RAB3C: variants seen among roughly 807,000 people sequenced by gnomAD.
The protein encoded by RAB3C is RAB3C, member RAS oncogene family, also known as ras-related protein Rab-3C.
Under a neutral mutation model 26.4 loss-of-function variants are expected in RAB3C, and 17 were observed. That is an observed-to-expected ratio of 0.64 (90% CI 0.44 to 0.97). RAB3C has a LOEUF of 0.97. Among genes scored for constraint, RAB3C ranks in the 50% least tolerant of loss-of-function variants. The pLI is 0.00. For synonymous variants in RAB3C, 91 were observed against 95.9 expected (o/e 0.95, Z 0.30); for missense variants, 242 against 281.9 (o/e 0.86, Z 1.01).
At chr5:58,847,859 T>C (rs1343467434) in intron 4 of RAB3C, among the ~76,000 whole-genome samples, 3 of 151,778 alleles carry the variant, frequency 2.0e-5, no homozygotes, top group African/African-American at 7.3e-5. Flanking sequence ...AGAACCTTTA[T>C]TTATTTATTT....
chr5:58,819,539 CAATAGCATTTTACG>C (rs1743292083), intron 3 of RAB3C, among the ~76,000 whole-genome samples: 1 of 152,164 alleles, frequency 6.6e-6, no homozygotes, highest in South Asian at 2.1e-4. Flanking sequence ...ATCAAGAACA[CAATAGCATTTTACG>C]AATTCTAAGA....
intron 4 of RAB3C, among the ~76,000 whole-genome samples, chr5:58,840,724 A>T (rs1280031213): frequency 6.6e-6 from 1 of 152,166 alleles, no homozygotes; most frequent in Non-Finnish European, 1.5e-5. Context: ...AATCCATACT[A>T]GTAGCATAAG....
intron 2 of RAB3C, among the ~76,000 whole-genome samples, chr5:58,710,132 A>G (rs751070140): frequency 2.6e-5 from 4 of 152,138 alleles, no homozygotes; most frequent in African/African-American, 4.8e-5. Flanking sequence ...GGCCCACTCA[A>G]AATTGCTTTT....
At chr5:58,680,666 C>G (rs1748326651) in intron 2 of RAB3C, among the ~76,000 whole-genome samples, 1 of 152,150 alleles carries the variant, frequency 6.6e-6, no homozygotes, top group African/African-American at 2.4e-5. Context: ...CTTGTGTTTA[C>G]CCAGCTTGTA....
intron 1 of RAB3C, among the ~76,000 whole-genome samples, chr5:58,605,972 C>G (rs1357699494): frequency 6.6e-6 from 1 of 152,156 alleles, no homozygotes; most frequent in Non-Finnish European, 1.5e-5. Context: ...CTGCAGCTCC[C>G]AGCATGTTCG....
intron 1 of RAB3C, among the ~76,000 whole-genome samples, chr5:58,606,209 C>G (rs1333689585): frequency 1.3e-5 from 2 of 152,204 alleles, no homozygotes; most frequent in Non-Finnish European, 2.9e-5. Flanking sequence ...CTGTGCTTCT[C>G]CCACGGTCTT....
Position 58,583,420 on chromosome 5 carries a change from C to T in RAB3C, c.24+188C>T, listed in dbSNP as rs1745947359. On this transcript the variant is annotated intron_variant, in intron 1 of 4. Transcript: ENST00000282878. ...TCTGTGTGGCTGTGATTGGGGCTGT[C>T]TTGATGAGGGATCGGGCTATTCGCA... 7.3e-6 allele frequency: 6 copies of T among 817,834 alleles called. No homozygotes were observed. The Admixed American group carries it at 3.1e-4, about 42-fold the overall frequency. The allele number at this position is 817,834 out of a possible 1,614,324, so 50.7% of individuals were successfully genotyped here. A position where few individuals can be genotyped will look rare whatever the true frequency, so the allele number is the denominator to read the frequency against.
rs746556893 is a variant in RAB3C, at chr5:58,617,887, T to C, written c.252+17T>C. 2.6e-6 allele frequency: 4 copies of C among 1,515,658 alleles called. No individual in the cohort carries two copies. Among genetic ancestry groups the C allele is most frequent in the Non-Finnish European group, 3.6e-6 (4 of 1,096,696 alleles). The allele number at this position is 1,515,658 out of a possible 1,614,324, so 93.9% of individuals were successfully genotyped here. ...CAGATTTGGGTAAGTGGCTTTGAAC[T>C]GGCAGTGTTCTTCAGGCTGGGGTGT... On this transcript the variant is annotated intron_variant, in intron 2 of 4. Transcript: ENST00000282878.
chr5:58,786,338 A>T (rs1374906882), intron 3 of RAB3C, among the ~76,000 whole-genome samples: 2 of 151,956 alleles, frequency 1.3e-5, no homozygotes, highest in East Asian at 3.9e-4. Context: ...GCGTTTAGGG[A>T]TGCATTGGAG....
chr5:58,591,012 A>G (rs1746116685), intron 1 of RAB3C, among the ~76,000 whole-genome samples: 2 of 152,312 alleles, frequency 1.3e-5, no homozygotes, highest in South Asian at 4.1e-4. Flanking sequence ...TGTTTAATCC[A>G]TGGGTTTAAA....
intron 2 of RAB3C, among the ~76,000 whole-genome samples, chr5:58,675,829 T>C (rs1202731929): frequency 6.6e-6 from 1 of 152,110 alleles, no homozygotes; most frequent in African/African-American, 2.4e-5. Context: ...CCTTCTCATT[T>C]CCTACTCATT....
upstream of RAB3C, among the ~76,000 whole-genome samples, chr5:58,582,828 C>T (rs577554883): frequency 1.4e-4 from 21 of 152,314 alleles, no homozygotes; most frequent in African/African-American, 4.6e-4. Context: ...TCGCCTGCCC[C>T]TGGCGAGGAA....
chr5:58,666,201 C>T (rs1579846537), intron 2 of RAB3C, among the ~76,000 whole-genome samples: 1 of 152,204 alleles, frequency 6.6e-6, no homozygotes, highest in East Asian at 1.9e-4. Flanking sequence ...ATTCAATGTC[C>T]CTCAGGAAAT....
At chr5:58,710,042 T>G (rs1481653182) in intron 2 of RAB3C, among the ~76,000 whole-genome samples, 1 of 152,144 alleles carries the variant, frequency 6.6e-6, no homozygotes, top group Non-Finnish European at 1.5e-5. Context: ...GAGGCCTTGG[T>G]CTGAGTGTCA....
At chr5:58,713,956 A>G (rs1308693983) in intron 2 of RAB3C, among the ~76,000 whole-genome samples, 1 of 152,216 alleles carries the variant, frequency 6.6e-6, no homozygotes, top group African/African-American at 2.4e-5. Context: ...TTATAAGATA[A>G]TAATCCTCAA....
intron 3 of RAB3C, among the ~76,000 whole-genome samples, chr5:58,782,707 T>A (rs1248249209): frequency 6.6e-6 from 1 of 152,166 alleles, no homozygotes; most frequent in Non-Finnish European, 1.5e-5. Flanking sequence ...TTGAGAATTC[T>A]ACAGAATTGT....
chr5:58,745,563 C>T (rs1741386857), intron 3 of RAB3C, among the ~76,000 whole-genome samples: 1 of 152,118 alleles, frequency 6.6e-6, no homozygotes, highest in Admixed American at 6.6e-5. Flanking sequence ...CTGCCGGTCT[C>T]TATAGTCCTC....
rs189560051 is a variant in RAB3C, at chr5:58,844,625, A to T, written c.497-6539A>T. ...TGACCTTTCCTTGCAGTTCTGGCCC[A>T]TCCAGTTCCACAGGAAAGGGGAGAC... On this transcript the variant is annotated intron_variant, in intron 4 of 4. Coordinates refer to ENST00000282878, the MANE Select transcript of RAB3C (RefSeq NM_138453.4). 3.3e-5 allele frequency among the ~76,000 whole-genome samples: 5 copies of T among 152,350 alleles called. 1 individual carries two copies. The South Asian group carries it at 8.3e-4, about 25-fold the overall frequency.
upstream of RAB3C, chr5:58,583,029 G>T: frequency 7.0e-7 from 1 of 1,434,868 alleles, no homozygotes; most frequent in Non-Finnish European, 9.1e-7. Flanking sequence ...GAGTGCACGG[G>T]GCTCCTCGGC....
Sources: allele counts gnomAD v4.1 joint callset (sites outside exome capture counted in the v4.1 genomes callset), GRCh38; gene constraint gnomAD v4.1.1; transcripts MANE v1.5; gene names NCBI Gene and HGNC (gene_info 2026-07-23, HGNC 2026-07-21).